Variants in VWA8 observed in about 807,000 individuals in gnomAD.
VWA8 encodes the protein von Willebrand factor A domain-containing protein 8.
VWA8 carries 221 observed loss-of-function variants against 241.5 expected under a neutral mutation model. The ratio of observed to expected loss-of-function variants is 0.91; its 90% confidence interval spans 0.82 to 1.02. The LOEUF (loss-of-function observed/expected upper bound fraction) is 1.02, where lower values mean the gene tolerates loss of function less well. Ranked by LOEUF, VWA8 falls within the 50% of genes least tolerant of loss-of-function variation. The pLI is 0.00. For missense variants in VWA8, 2,322 were observed against 2,328.7 expected (o/e 1.00, Z 0.06); for synonymous variants, 852 against 827.1 (o/e 1.03, Z -0.52).
chr13:41,663,337 T>C (rs2044964781), intron 37 of VWA8, among the ~76,000 whole-genome samples: 2 of 152,156 alleles, frequency 1.3e-5, no homozygotes, highest in African/African-American at 4.8e-5. Context: ...ATCTGGTAAA[T>C]TCCTACTTGT....
chr13:41,724,013 T>C (rs908162235), intron 24 of VWA8, among the ~76,000 whole-genome samples: 5 of 152,182 alleles, frequency 3.3e-5, no homozygotes, highest in African/African-American at 1.2e-4. Context: ...ACCAAGAACA[T>C]ACTTGAAGAA....
rs67470859 is a variant in VWA8, at chr13:41,931,279, T to TAA, written c.241+18655_241+18656dup. On this transcript the variant is annotated intron_variant, in intron 2 of 44. Coordinates refer to ENST00000379310, the MANE Select transcript of VWA8 (RefSeq NM_015058.2). The stretch of plus-strand genomic sequence containing the variant: ...AAGAGAAATAAACCAGACCCAGGGT[T>TAA]AAAAAAAAAAAAAAAAAAAAAAAAA... Among the ~76,000 whole-genome samples the TAA allele has an allele frequency of 2.5e-3, 223 of 90,288 alleles. 4 individuals carry two copies. The highest frequency in any genetic ancestry group is 9.2e-3 in the African/African-American group (213 of 23,178). 59.2% of individuals were successfully genotyped at this position (90,288 alleles called of 152,430 possible). A position where few individuals can be genotyped will look rare whatever the true frequency, so the allele number is the denominator to read the frequency against.
At chr13:41,905,441 T>C (rs964037451) in intron 4 of VWA8, among the ~76,000 whole-genome samples, 3 of 152,076 alleles carry the variant, frequency 2.0e-5, no homozygotes, top group East Asian at 1.9e-4. Flanking sequence ...AATTATACTA[T>C]AAAATTATAT....
At chr13:41,906,513 T>A (rs1039409600) in intron 4 of VWA8, among the ~76,000 whole-genome samples, 1 of 152,182 alleles carries the variant, frequency 6.6e-6, no homozygotes, top group Non-Finnish European at 1.5e-5. Context: ...ACATCTTTCC[T>A]ATCAGTACGT....
Position 41,761,194 on chromosome 13 carries a change from T to C in VWA8, c.2360A>G (p.Lys787Arg), listed in dbSNP as rs751411630. 3 of 1,611,450 alleles carry C rather than the reference T, an allele frequency of 1.9e-6. No homozygotes were observed. Among genetic ancestry groups the C allele is most frequent in the East Asian group, 2.2e-5 (1 of 44,762 alleles). Residue 787 changes from lysine to arginine, a missense_variant, in exon 21 of 45, where the codon AAA becomes AGA. Transcript: ENST00000379310. Reference protein sequence around the residue: ...LLLVGNQGVGKNKIVDRFLHL... With the variant: ...LLLVGNQGVGRNKIVDRFLHL... ...AAGGAATCTGTCAACAATCTTGTTT[T>C]TTCCTACACCCTGTAATTACACAGA...
intron 1 of VWA8, among the ~76,000 whole-genome samples, chr13:41,959,193 T>C (rs1317724897): frequency 2.0e-5 from 3 of 152,198 alleles, no homozygotes; most frequent in African/African-American, 4.8e-5. Context: ...CCACAGATTA[T>C]ATTAATTAAT....
In VWA8 at chr13:41,852,183, T is replaced by C. The variant is rs561481440; in HGVS notation, c.1425+13553A>G. On this transcript the variant is annotated intron_variant, in intron 12 of 44. Coordinates refer to ENST00000379310, the MANE Select transcript of VWA8 (RefSeq NM_015058.2). ...TTTGCATTTATCTGATGATGAGTGATGTTGACCACTTTTTATATGTACCTG... is the reference window on the plus strand; with the variant it reads ...TTTGCATTTATCTGATGATGAGTGACGTTGACCACTTTTTATATGTACCTG... 1.1e-4 allele frequency among the ~76,000 whole-genome samples: 16 copies of C among 152,340 alleles called. 1 individual carries two copies. The highest frequency in any genetic ancestry group is 2.9e-4 in the African/African-American group (12 of 41,588).
intron 29 of VWA8, among the ~76,000 whole-genome samples, chr13:41,694,155 C>A (rs1271274883): frequency 6.6e-6 from 1 of 151,736 alleles, no homozygotes; most frequent in South Asian, 2.1e-4. Context: ...TGACCCTTGC[C>A]TTCTGTCATA....
intron 37 of VWA8, among the ~76,000 whole-genome samples, chr13:41,669,411 T>C (rs879752427): frequency 1.3e-5 from 2 of 152,184 alleles, no homozygotes; most frequent in Non-Finnish European, 2.9e-5. Flanking sequence ...TTTTAGTATA[T>C]AGGAGTGTGA....
chr13:41,935,164 T>C (rs570866210), intron 2 of VWA8, among the ~76,000 whole-genome samples: 2 of 152,248 alleles, frequency 1.3e-5, no homozygotes, highest in African/African-American at 2.4e-5. Context: ...ATTGGTGACA[T>C]ACCTCAGGGT....
rs2044293468 is a variant in VWA8 at position 41,570,526 on chromosome 13, C to T, written c.5551G>A (p.Asp1851Asn). 3.7e-6 allele frequency: 6 copies of T among 1,614,070 alleles called. No individual in the cohort carries two copies. The highest frequency in any genetic ancestry group is 1.3e-5 in the African/African-American group (1 of 74,934). The change falls in exon 44 of 45, where the codon GAC becomes AAC. Residue 1851 changes from aspartate (D) to asparagine (N), a missense_variant. Physicochemically the swap from Asp to Asn is conservative, Grantham distance 23 (BLOSUM62 1). Coordinates refer to ENST00000379310, the MANE Select transcript of VWA8 (RefSeq NM_015058.2). ...PAKFAQILTR[D>N]PQVNAFAIFI... ...ATGGCAAAAGCATTTACTTGAGGGT[C>T]TCTTGTGAGGATTTGAGCAAACTTA...
intron 40 of VWA8, among the ~76,000 whole-genome samples, chr13:41,592,322 G>A (rs1380630024): frequency 7.9e-6 from 1 of 126,394 alleles, no homozygotes; most frequent in South Asian, 3.1e-4. Context: ...GTTGTGGGGT[G>A]GGGGGAGGGG....
intron 12 of VWA8, among the ~76,000 whole-genome samples, chr13:41,851,117 CTTA>C (rs1872515444): frequency 6.6e-6 from 1 of 152,080 alleles, no homozygotes; most frequent in Non-Finnish European, 1.5e-5. Flanking sequence ...ATCTTGAGAA[CTTA>C]TTCATTCTGC....
At chr13:41,673,931 C>G (rs1421963735) in intron 36 of VWA8, among the ~76,000 whole-genome samples, 1 of 151,912 alleles carries the variant, frequency 6.6e-6, no homozygotes, top group African/African-American at 2.4e-5. Context: ...AGAGAAATGA[C>G]TATAAATACT....
intron 14 of VWA8, among the ~76,000 whole-genome samples, chr13:41,829,995 C>A (rs902742312): frequency 2.0e-5 from 3 of 152,124 alleles, no homozygotes; most frequent in Non-Finnish European, 4.4e-5. Flanking sequence ...GTAATCCCAG[C>A]ACTTTGGGAG....
In VWA8 at chr13:41,868,395, G is replaced by A; in HGVS notation, c.1163C>T (p.Ser388Phe). The A allele has an allele frequency of 6.2e-7, 1 of 1,614,082 alleles. No homozygotes were observed. Residue 388 changes from serine (S) to phenylalanine (F), a missense_variant, in exon 10 of 45, where the codon TCC (serine) becomes TTC (phenylalanine). Ser to Phe is a radical substitution (Grantham distance 155). Coordinates refer to ENST00000379310, the MANE Select transcript of VWA8 (RefSeq NM_015058.2). The part of the protein sequence containing the change: ...KVEKMMENHV[S>F]QASVTIRIAD... ...AATCCGGATGGTCACAGAAGCTTGG[G>A]ACACATGGTTTTCCATCATCTTCTC...
chr13:41,703,521 C>A, intron 26 of VWA8, 110 bp from the exon 27 acceptor site: 3 of 843,744 alleles, frequency 3.6e-6, no homozygotes, highest in Non-Finnish European at 5.7e-6. Flanking sequence ...GAGTGCTTTA[C>A]TTAGAAGTGA....
intron 21 of VWA8, 151 bp from the exon 22 acceptor site, chr13:41,732,306 T>A: frequency 3.3e-6 from 2 of 602,244 alleles, no homozygotes; most frequent in Non-Finnish European, 5.8e-6. Flanking sequence ...CAAGTGAAAT[T>A]TATTTGAGTA....
At chr13:41,904,464 AT>A (rs574811385) in intron 4 of VWA8, among the ~76,000 whole-genome samples, 114 of 152,168 alleles carry the variant, frequency 7.5e-4, no homozygotes, top group African/African-American at 2.6e-3. Flanking sequence ...GCTCCTCACT[AT>A]TCCAGCTCAA....
Sources: gnomAD v4.1 joint callset for allele counts (sites outside exome capture counted in the v4.1 genomes callset) on GRCh38, gnomAD v4.1.1 for gene constraint, MANE v1.5 for transcripts, NCBI Gene and HGNC (gene_info 2026-07-23, HGNC 2026-07-21) for gene names.